The following BTAF1 variants were observed in gnomAD, a reference collection of about 807,000 sequenced individuals.
The protein encoded by BTAF1 is TATA-binding protein-associated factor 172.
In BTAF1, 38 loss-of-function variants were observed where a neutral mutation model predicts 227.1. The ratio of observed to expected loss-of-function variants is 0.17; its 90% CI spans 0.13 to 0.22. The LOEUF (loss-of-function observed/expected upper bound fraction) is 0.22. Among genes scored for constraint, BTAF1 ranks in the 10% least tolerant of loss-of-function variants. The pLI is 1.00. For synonymous variants in BTAF1, 742 were observed against 751.9 expected, an observed-to-expected ratio of 0.99 and a Z score of 0.21; for missense variants, 1,598 against 2,204.0, an observed-to-expected ratio of 0.73 and a Z score of 5.51.
Position 91,942,559 on chromosome 10 carries a change from G to A in BTAF1, c.391G>A (p.Glu131Lys). 1 of 1,613,124 alleles carries A rather than the reference G, an allele frequency of 6.2e-7. No homozygotes were observed. The highest frequency in any genetic ancestry group is 8.5e-7 in the Non-Finnish European group (1 of 1,179,750). Reference sequence around the variant, plus strand: ...TGGTGCCGAATTTGAAGTCCAAGATGAAAAATCAGGTCTGTAGTGGTTCTG... The same window carrying A: ...TGGTGCCGAATTTGAAGTCCAAGATAAAAAATCAGGTCTGTAGTGGTTCTG... ...SAGAEFEVQD[E>K]KSGEVDPKER... Residue 131 changes from glutamate (E) to lysine (K), a missense_variant, in exon 4 of 38, where the codon GAA (glutamate) becomes AAA (lysine). By Grantham distance (56) the Glu-to-Lys change is moderately conservative. Transcript: ENST00000265990.
At chr10:91,951,382 G>A (rs376185611) in intron 4 of BTAF1, 21 bp from the exon 5 acceptor site, 18 of 1,598,398 alleles carry the variant, frequency 1.1e-5, no homozygotes, top group East Asian at 9.0e-5. Flanking sequence ...TGGAGAAAAC[G>A]TATTTCTTTT....
At chr10:91,964,976 A>T (rs1411508197) in intron 13 of BTAF1, among the ~76,000 whole-genome samples, 2 of 152,186 alleles carry the variant, frequency 1.3e-5, no homozygotes, top group Non-Finnish European at 2.9e-5. Flanking sequence ...ATAAATGCTT[A>T]TATGTGGTTT....
chr10:92,019,420 T>C (rs941174681), intron 34 of BTAF1, among the ~76,000 whole-genome samples: 1 of 152,240 alleles, frequency 6.6e-6, no homozygotes, highest in African/African-American at 2.4e-5. Context: ...CAGTGGACAC[T>C]TGGGTTGTTT....
chr10:91,938,985 AAAAAGG>A (rs1489745624), intron 2 of BTAF1, among the ~76,000 whole-genome samples: 1 of 128,900 alleles, frequency 7.8e-6, no homozygotes. Context: ...CAAAAAAAAA[AAAAAGG>A]GGGGGGGGAT....
chr10:91,989,895 G>A (rs962461827), intron 20 of BTAF1, among the ~76,000 whole-genome samples: 1 of 152,176 alleles, frequency 6.6e-6, no homozygotes, highest in African/African-American at 2.4e-5. Context: ...ACTGTATCAA[G>A]CTAGAAAAGG....
chr10:91,952,703 G>A (rs2133863960), intron 5 of BTAF1, among the ~76,000 whole-genome samples: 1 of 152,186 alleles, frequency 6.6e-6, no homozygotes, highest in South Asian at 2.1e-4. Context: ...CTGCAGACAA[G>A]GGGGTAGAAA....
chr10:92,001,499 T>G (rs1318623954), intron 25 of BTAF1, among the ~76,000 whole-genome samples: 4 of 152,250 alleles, frequency 2.6e-5, no homozygotes, highest in African/African-American at 7.2e-5. Flanking sequence ...ATCAAGTCCT[T>G]AGAAGCATAT....
chr10:91,979,975 A>G (rs1847957661), intron 14 of BTAF1, among the ~76,000 whole-genome samples: 1 of 152,206 alleles, frequency 6.6e-6, no homozygotes, highest in Non-Finnish European at 1.5e-5. Flanking sequence ...TTAATTTTGT[A>G]GTGAACTCCA....
intron 20 of BTAF1, among the ~76,000 whole-genome samples, chr10:91,990,325 C>T (rs1204459740): frequency 6.6e-6 from 1 of 152,036 alleles, no homozygotes; most frequent in Non-Finnish European, 1.5e-5. Flanking sequence ...CTTAAAAATA[C>T]ATTGGGGTCA....
chr10:92,003,908 C>T (rs987543003), intron 25 of BTAF1, among the ~76,000 whole-genome samples: 2 of 152,256 alleles, frequency 1.3e-5, no homozygotes, highest in South Asian at 2.1e-4. Context: ...TTCCTCCACA[C>T]GTTTTGTCTT....
At chr10:91,965,563 A>G (rs1440911634) in intron 13 of BTAF1, among the ~76,000 whole-genome samples, 1 of 152,228 alleles carries the variant, frequency 6.6e-6, no homozygotes, top group Admixed American at 6.5e-5. Context: ...AAATTCTATT[A>G]ATTCAATGTG....
chr10:92,003,200 C>T (rs1166276824), intron 25 of BTAF1, among the ~76,000 whole-genome samples: 8 of 150,544 alleles, frequency 5.3e-5, no homozygotes, highest in South Asian at 2.1e-4. Context: ...TGTTTTGAAA[C>T]GTATCAGACC....
At chr10:91,991,797 G>GTGTGTGTATATATATA (rs1554860529) in intron 20 of BTAF1, among the ~76,000 whole-genome samples, 6 of 10,000 alleles carry the variant, frequency 6.0e-4, no homozygotes, top group African/African-American at 1.1e-3. Flanking sequence ...GTGTGTGTGT[G>GTGTGTGTATATATATA]TATATATATA....
At chr10:91,953,151 C>T (rs1052677915) in intron 5 of BTAF1, among the ~76,000 whole-genome samples, 9 of 152,126 alleles carry the variant, frequency 5.9e-5, no homozygotes, top group Admixed American at 6.5e-5. Context: ...GTATAAATTT[C>T]AGTTGAATCT....
intron 34 of BTAF1, 34 bp from the exon 35 acceptor site, chr10:92,024,722 C>G: frequency 1.8e-6 from 1 of 547,676 alleles, no homozygotes; most frequent in Non-Finnish European, 2.8e-6. Flanking sequence ...TTTTATTGAA[C>G]GCTTATGTAG....
At chr10:91,977,550 T>G (rs1847783504) in intron 14 of BTAF1, among the ~76,000 whole-genome samples, 2 of 152,216 alleles carry the variant, frequency 1.3e-5, no homozygotes, top group South Asian at 4.1e-4. Flanking sequence ...ATAAACATCT[T>G]GTGCAGATTT....
At chr10:91,960,291 G>A in intron 11 of BTAF1, 137 bp downstream of exon 11, 1 of 837,028 alleles carries the variant, frequency 1.2e-6, no homozygotes, top group Non-Finnish European at 1.7e-6. Context: ...CGTCTTGAGA[G>A]AGTGTCATAG....
In BTAF1 at chr10:91,945,111, A is replaced by G. The variant is rs915254228; in HGVS notation, c.400+2543A>G. Among the ~76,000 whole-genome samples the G allele has an allele frequency of 2.0e-5, 3 of 152,114 alleles. No individual in the cohort carries two copies. The South Asian group carries it at 6.2e-4, about 31-fold the overall frequency. On this transcript the variant is annotated intron_variant, in intron 4 of 37. Transcript: ENST00000265990. The stretch of plus-strand genomic sequence containing the variant: ...CTGAATGACACATTTCTCGGAATGT[A>G]CTCATCATTAAATGGCATGTGGCTG...
At chr10:91,928,295 G>A (rs1244240888) in intron 1 of BTAF1, among the ~76,000 whole-genome samples, 1 of 152,098 alleles carries the variant, frequency 6.6e-6, no homozygotes, top group African/African-American at 2.4e-5. Flanking sequence ...CTCTTGATCT[G>A]TAGCTGAATT....
Sources: gnomAD v4.1 joint callset for allele counts (sites outside exome capture counted in the v4.1 genomes callset) on GRCh38, gnomAD v4.1.1 for gene constraint, MANE v1.5 for transcripts, NCBI Gene and HGNC (gene_info 2026-07-23, HGNC 2026-07-21) for gene names.